Variants in XPO5 observed in about 807,000 individuals in gnomAD.
The protein encoded by XPO5 is exportin-5.
Under a neutral mutation model 160.6 loss-of-function variants are expected in XPO5, and 46 were observed. The ratio of observed to expected loss-of-function variants is 0.29; its 90% CI spans 0.23 to 0.37. The LOEUF (loss-of-function observed/expected upper bound fraction) is 0.37. Ranked by LOEUF, XPO5 falls within the 10% of genes least tolerant of loss-of-function variation. XPO5 has a pLI of 1.00. For synonymous variants in XPO5, 537 were observed against 519.3 expected, an observed-to-expected ratio of 1.03 and a Z score of -0.46; for missense variants, 1,090 against 1,463.9, an observed-to-expected ratio of 0.74 and a Z score of 4.17.
At chr6:43,575,707 T>TG in intron 1 of XPO5, 53 bp downstream of exon 1, 1 of 1,523,334 alleles carries the variant, frequency 6.6e-7, no homozygotes, top group Admixed American at 1.8e-5. Flanking sequence ...CCGGAGCTGC[T>TG]GGGGCTGGGA....
chr6:43,555,819 T>C lies in XPO5; in HGVS notation c.1441+17A>G, dbSNP rs1345485322. On this transcript the variant is annotated intron_variant, in intron 13 of 31. Coordinates refer to ENST00000265351, the MANE Select transcript of XPO5 (RefSeq NM_020750.3). ...GTCCTAACATTTCACTAACATTCAGTAATGAAAAAAACTTACAATTCACAG... is the reference window on the plus strand; with the variant it reads ...GTCCTAACATTTCACTAACATTCAGCAATGAAAAAAACTTACAATTCACAG... 4 of 1,613,606 alleles carry C rather than the reference T, an allele frequency of 2.5e-6. No homozygotes were observed. The highest frequency in any genetic ancestry group is 1.7e-5 in the Admixed American group (1 of 59,950).
rs1490830459 is a variant in XPO5, at chr6:43,567,217, T to C, written c.786A>G (p.Glu262=). The change falls in exon 7 of 32, where the codon GAA becomes GAG. Residue 262 remains glutamate (E), a synonymous_variant. Transcript: ENST00000265351. ...GACACTCAGCGGCTCCCAACTGAAG[T>C]TCCTGTTCATTCAACAGCAAACACA... ...EILCLLLNEQ[E]LQLGAAECLL... is the part of the protein sequence containing the mutation. The C allele has an allele frequency of 6.2e-7, 1 of 1,613,628 alleles. No homozygotes were observed. The highest frequency in any genetic ancestry group is 1.3e-5 in the African/African-American group (1 of 74,900).
In XPO5 at chr6:43,564,327, C is replaced by G. The variant is rs184590190; in HGVS notation, c.911+1333G>C. Reference sequence around the variant, plus strand: ...GGTGGATCACCTGAGATCAGGAATTCAAGACCAGCCTGACCAACAGGGAGA... The same window carrying G: ...GGTGGATCACCTGAGATCAGGAATTGAAGACCAGCCTGACCAACAGGGAGA... On this transcript the variant is annotated intron_variant, in intron 8 of 31. Coordinates refer to ENST00000265351, the MANE Select transcript of XPO5 (RefSeq NM_020750.3). Among the ~76,000 whole-genome samples, 4 of 152,232 alleles carry G rather than the reference C, an allele frequency of 2.6e-5. No individual in the cohort carries two copies. In the East Asian group the frequency reaches 5.8e-4, roughly 22 times the overall value.
intron 12 of XPO5, among the ~76,000 whole-genome samples, chr6:43,557,157 T>C (rs1762134951): frequency 7.1e-6 from 1 of 141,710 alleles, no homozygotes; most frequent in South Asian, 2.2e-4. Context: ...CTGGGTGTGG[T>C]GGCTTACGCC....
At chr6:43,575,519 C>T (rs774119105) in intron 1 of XPO5, among the ~76,000 whole-genome samples, 7 of 152,024 alleles carry the variant, frequency 4.6e-5, no homozygotes, top group African/African-American at 9.7e-5. Flanking sequence ...TGGGAAGCTG[C>T]GGCGAGATGA....
rs544352818 is a variant in XPO5 at position 43,540,473 on chromosome 6, C to T, written c.2342+6098G>A. On this transcript the variant is annotated intron_variant, in intron 20 of 31. Transcript: ENST00000265351. Reference sequence around the variant, plus strand: ...CAGCCTGGACGACAGAGCAAGACTCCGTCTCAAAATAAATAAATAAATAAA... The same window carrying T: ...CAGCCTGGACGACAGAGCAAGACTCTGTCTCAAAATAAATAAATAAATAAA... Among the ~76,000 whole-genome samples the T allele has an allele frequency of 2.6e-5, 4 of 151,596 alleles. 1 individual carries two copies. Among genetic ancestry groups the T allele is most frequent in the African/African-American group, 7.3e-5 (3 of 41,312 alleles).
At chr6:43,538,754 T>C (rs1295028986) in intron 20 of XPO5, 4 of 579,112 alleles carry the variant, frequency 6.9e-6, no homozygotes, top group East Asian at 6.0e-5. Context: ...AAATGAGTTA[T>C]GGAGCACTAC....
At chr6:43,568,604 A>G in intron 6 of XPO5, 107 bp downstream of exon 6, 1 of 1,067,208 alleles carries the variant, frequency 9.4e-7, no homozygotes, top group Non-Finnish European at 1.3e-6. Context: ...ACCTGTCTCC[A>G]AAACAATACA....
chr6:43,568,844 G>T, intron 5 of XPO5, 107 bp from the exon 6 acceptor site: 2 of 983,142 alleles, frequency 2.0e-6, no homozygotes, highest in Non-Finnish European at 2.9e-6. Context: ...TTAAATATAT[G>T]CAATTTTTCA....
intron 27 of XPO5, 78 bp from the exon 28 acceptor site, chr6:43,525,999 A>G (rs904953306): frequency 4.6e-6 from 7 of 1,528,624 alleles, no homozygotes; most frequent in Non-Finnish European, 6.3e-6. Context: ...GAAGCGCAAA[A>G]AACAAAGCAA....
At chr6:43,557,442 A>C (rs753368023) in intron 12 of XPO5, among the ~76,000 whole-genome samples, 2 of 152,122 alleles carry the variant, frequency 1.3e-5, no homozygotes, top group Admixed American at 6.6e-5. Context: ...AAAAGAAATC[A>C]AGTACTGATA....
intron 17 of XPO5, among the ~76,000 whole-genome samples, chr6:43,548,933 T>C (rs1254157113): frequency 1.3e-5 from 2 of 151,948 alleles, no homozygotes; most frequent in Admixed American, 1.3e-4. Flanking sequence ...TAGTAAAGAG[T>C]TGTAGAATTA....
intron 6 of XPO5, among the ~76,000 whole-genome samples, chr6:43,568,272 A>G (rs893093259): frequency 6.6e-6 from 1 of 152,084 alleles, no homozygotes; most frequent in Non-Finnish European, 1.5e-5. Context: ...GCGCCACTGC[A>G]CTCCAGCCTG....
chr6:43,572,834 A>G (rs1037858332), intron 2 of XPO5, among the ~76,000 whole-genome samples: 2 of 152,246 alleles, frequency 1.3e-5, no homozygotes, highest in Admixed American at 6.5e-5. Flanking sequence ...ACCACACGTC[A>G]GCTTTGCCTC....
intron 2 of XPO5, 45 bp from the exon 3 acceptor site, chr6:43,572,623 CT>C: frequency 6.4e-7 from 1 of 1,564,684 alleles, no homozygotes; most frequent in Non-Finnish European, 8.8e-7. Flanking sequence ...CTTTAGAAGT[CT>C]TGTCTTTACA....
intron 2 of XPO5, among the ~76,000 whole-genome samples, chr6:43,573,138 C>T (rs987236018): frequency 3.3e-5 from 5 of 152,154 alleles, no homozygotes; most frequent in Non-Finnish European, 5.9e-5. Flanking sequence ...AGCCACAGTG[C>T]CTAATCAGAG....
At chr6:43,527,094 A>G (rs1335133574) in intron 26 of XPO5, 1 of 250,860 alleles carries the variant, frequency 4.0e-6, no homozygotes, top group Non-Finnish European at 7.9e-6. Context: ...ATGTCCAAGA[A>G]TTTAAAACAT....
chr6:43,524,933 C>T lies in XPO5; in HGVS notation c.3210G>A (p.Thr1070=), dbSNP rs532701280. 45 of 1,613,924 alleles carry T rather than the reference C, an allele frequency of 2.8e-5. No individual in the cohort carries two copies. The highest frequency in any genetic ancestry group is 2.0e-4 in the East Asian group (9 of 44,886). ...CTTTCAGCACACTGGTGAAAAGCCA[C>T]GTAACTGCATCTGCGAGCAGTGTCC... is the stretch of plus-strand genomic sequence containing the variant. ...LSGTLLADAV[T]WLFTSVLKGL... The change falls in exon 30 of 32, where the codon ACG becomes ACA. Residue 1070 remains threonine (T), a synonymous_variant. Coordinates refer to ENST00000265351, the MANE Select transcript of XPO5 (RefSeq NM_020750.3).
intron 20 of XPO5, among the ~76,000 whole-genome samples, chr6:43,536,631 C>A (rs985465853): frequency 6.7e-6 from 1 of 150,206 alleles, no homozygotes; most frequent in Non-Finnish European, 1.5e-5. Context: ...TGGTGGCACA[C>A]GCCTGTAAAT....
Sources: gnomAD v4.1 joint callset for allele counts (sites outside exome capture counted in the v4.1 genomes callset) on GRCh38, gnomAD v4.1.1 for gene constraint, MANE v1.5 for transcripts, NCBI Gene and HGNC (gene_info 2026-07-23, HGNC 2026-07-21) for gene names.